The following SORCS3 variants were observed in gnomAD, a reference collection of about 807,000 sequenced individuals.
SORCS3 encodes VPS10 domain-containing receptor SorCS3.
In SORCS3, 57 loss-of-function variants were observed where a neutral mutation model predicts 146.3. That is an observed-to-expected ratio of 0.39 (90% CI 0.31 to 0.49). SORCS3 has a LOEUF of 0.49. Ranked by LOEUF, SORCS3 falls within the 20% of genes least tolerant of loss-of-function variation. The pLI is 0.92. For synonymous variants in SORCS3, 653 were observed against 618.5 expected (o/e 1.06, Z -0.83); for missense variants, 1,341 against 1,575.5 (o/e 0.85, Z 2.52).
intron 1 of SORCS3, among the ~76,000 whole-genome samples, chr10:104,710,740 C>G (rs139278585): frequency 6.6e-6 from 1 of 151,260 alleles, no homozygotes; most frequent in Non-Finnish European, 1.5e-5. Flanking sequence ...TCTTGTGGCT[C>G]ATAGGAGCTT....
At chr10:104,908,490 A>G (rs1237046604) in intron 2 of SORCS3, among the ~76,000 whole-genome samples, 1 of 152,212 alleles carries the variant, frequency 6.6e-6, no homozygotes, top group East Asian at 1.9e-4. Context: ...TCTTCATTGA[A>G]TCTGAATAAC....
chr10:104,821,325 G>C (rs544562395), intron 1 of SORCS3, among the ~76,000 whole-genome samples: 23 of 152,300 alleles, frequency 1.5e-4, no homozygotes, highest in African/African-American at 4.8e-4. Flanking sequence ...AGTGTGGACT[G>C]TGGTCATGAG....
intron 1 of SORCS3, among the ~76,000 whole-genome samples, chr10:104,778,376 A>G (rs553207364): frequency 9.8e-4 from 149 of 152,332 alleles, no homozygotes; most frequent in South Asian, 3.7e-3. Context: ...ATTCAGGTGC[A>G]GTGTTGGTTG....
intron 7 of SORCS3, among the ~76,000 whole-genome samples, chr10:105,113,391 TG>T (rs2055871928): frequency 6.6e-6 from 1 of 152,166 alleles, no homozygotes. Flanking sequence ...GTTTAAATAA[TG>T]AAAAACCTTG....
At chr10:104,826,364 CA>C in intron 1 of SORCS3, among the ~76,000 whole-genome samples, 1 of 152,230 alleles carries the variant, frequency 6.6e-6, no homozygotes, top group South Asian at 2.1e-4. Flanking sequence ...ATCTACACCC[CA>C]TTAGGTACAG....
At chr10:105,052,973 A>C (rs1295448013) in intron 5 of SORCS3, among the ~76,000 whole-genome samples, 1 of 152,156 alleles carries the variant, frequency 6.6e-6, no homozygotes, top group African/African-American at 2.4e-5. Flanking sequence ...CTTAAGCAAC[A>C]GAAATTTGCA....
chr10:104,874,691 G>A (rs2018553009), intron 2 of SORCS3, among the ~76,000 whole-genome samples: 1 of 152,072 alleles, frequency 6.6e-6, no homozygotes, highest in Non-Finnish European at 1.5e-5. Flanking sequence ...GAAGCTTATT[G>A]TCCTCCCTAC....
chr10:104,721,676 T>A (rs1173502402), intron 1 of SORCS3, among the ~76,000 whole-genome samples: 1 of 152,192 alleles, frequency 6.6e-6, no homozygotes, highest in Non-Finnish European at 1.5e-5. Context: ...GTAGTTCTCC[T>A]TGAAGAGGTC....
chr10:104,946,449 C>T (rs1291935256), intron 3 of SORCS3, among the ~76,000 whole-genome samples: 4 of 152,074 alleles, frequency 2.6e-5, no homozygotes, highest in Admixed American at 2.6e-4. Context: ...TGGAGCTAGC[C>T]TATTTCCCTG....
intron 5 of SORCS3, 64 bp downstream of exon 5, chr10:105,043,192 AGACAGCTCTG>A (rs888222811): frequency 1.3e-4 from 186 of 1,421,802 alleles, no homozygotes; most frequent in Non-Finnish European, 1.8e-4. Context: ...GTAGCACTCT[AGACAGCTCTG>A]GACAGTTGCA....
At chr10:104,703,095 AC>A (rs2016299550) in intron 1 of SORCS3, among the ~76,000 whole-genome samples, 1 of 152,230 alleles carries the variant, frequency 6.6e-6, no homozygotes, top group Non-Finnish European at 1.5e-5. Flanking sequence ...ACCATTTTAA[AC>A]AAATAGCATC....
At chr10:104,932,800 C>T (rs1273535965) in intron 3 of SORCS3, among the ~76,000 whole-genome samples, 1 of 152,208 alleles carries the variant, frequency 6.6e-6, no homozygotes, top group Non-Finnish European at 1.5e-5. Flanking sequence ...TCAAGCAATC[C>T]TCCTACCTCA....
intron 3 of SORCS3, among the ~76,000 whole-genome samples, chr10:104,922,792 T>G (rs2019100531): frequency 6.6e-6 from 1 of 152,210 alleles, no homozygotes; most frequent in Non-Finnish European, 1.5e-5. Flanking sequence ...TAACTAAGTC[T>G]ACAGGTGAAA....
chr10:104,759,018 G>A (rs568549388), intron 1 of SORCS3, among the ~76,000 whole-genome samples: 1 of 152,204 alleles, frequency 6.6e-6, no homozygotes, highest in Non-Finnish European at 1.5e-5. Context: ...TGGGAATAGG[G>A]TTGTTGCAGA....
intron 6 of SORCS3, among the ~76,000 whole-genome samples, chr10:105,103,716 A>T (rs538236048): frequency 1.3e-5 from 2 of 152,322 alleles, no homozygotes; most frequent in African/African-American, 4.8e-5. Flanking sequence ...GAATGGAATC[A>T]ATACTAGACC....
At chr10:105,054,202 C>T (rs541500374) in intron 5 of SORCS3, among the ~76,000 whole-genome samples, 7 of 151,642 alleles carry the variant, frequency 4.6e-5, no homozygotes, top group South Asian at 2.1e-4. Context: ...AATATTATAA[C>T]GTTTATTCTT....
intron 5 of SORCS3, among the ~76,000 whole-genome samples, chr10:105,045,037 A>AAAAGAAAGAAAG (rs1554871954): frequency 7.8e-6 from 1 of 128,850 alleles, no homozygotes; most frequent in African/African-American, 2.8e-5. Flanking sequence ...AAAAAAAAAA[A>AAAAGAAAGAAAG]AAAAGAAAGA....
At chr10:105,163,605 T>A (rs895381558) in intron 11 of SORCS3, among the ~76,000 whole-genome samples, 2 of 152,022 alleles carry the variant, frequency 1.3e-5, no homozygotes, top group African/African-American at 4.8e-5. Flanking sequence ...TTAATAAGCA[T>A]AGCCACAAGG....
At chr10:104,936,476 A>T (rs2019261488) in intron 3 of SORCS3, among the ~76,000 whole-genome samples, 1 of 152,150 alleles carries the variant, frequency 6.6e-6, no homozygotes, top group Admixed American at 6.5e-5. Context: ...GGGTAAATGA[A>T]TGAGAGCTGG....
Sources: allele counts gnomAD v4.1 joint callset (sites outside exome capture counted in the v4.1 genomes callset), GRCh38; gene constraint gnomAD v4.1.1; transcripts MANE v1.5; gene names NCBI Gene and HGNC (gene_info 2026-07-23, HGNC 2026-07-21).